Variants in ESR1 observed in about 807,000 individuals in gnomAD.
ESR1 encodes estrogen receptor 1.
A neutral mutation model predicts 52.7 loss-of-function variants in ESR1; 12 were observed. That is an observed-to-expected ratio of 0.23 (90% CI 0.15 to 0.37). ESR1 has a LOEUF of 0.37. Among genes scored for constraint, ESR1 ranks in the 10% least tolerant of loss-of-function variants. The pLI is 1.00. For missense variants in ESR1, 584 were observed against 779.7 expected, an observed-to-expected ratio of 0.75 and a Z score of 2.99; for synonymous variants, 305 against 316.8, an observed-to-expected ratio of 0.96 and a Z score of 0.39.
intron 2 of ESR1, among the ~76,000 whole-genome samples, chr6:151,772,627 C>T (rs892470440): frequency 6.6e-6 from 1 of 152,080 alleles, no homozygotes; most frequent in African/African-American, 2.4e-5. Flanking sequence ...GATAGAAGGG[C>T]CAAGAAGGAT....
intron 1 of ESR1, among the ~76,000 whole-genome samples, chr6:151,676,268 T>C (rs913748851): frequency 6.6e-6 from 1 of 152,136 alleles, no homozygotes; most frequent in African/African-American, 2.4e-5. Flanking sequence ...TGGTTCTGTT[T>C]GGTCTTCCAA....
intron 2 of ESR1, among the ~76,000 whole-genome samples, chr6:151,843,361 A>G (rs1436758291): frequency 1.3e-5 from 2 of 152,124 alleles, no homozygotes; most frequent in East Asian, 3.9e-4. Context: ...TCTTTATCAA[A>G]CAGTTATTAA....
At chr6:151,678,360 C>G (rs1450225279) in intron 1 of ESR1, among the ~76,000 whole-genome samples, 1 of 151,896 alleles carries the variant, frequency 6.6e-6, no homozygotes, top group Non-Finnish European at 1.5e-5. Context: ...ATAATCCCAG[C>G]TACTTGGGAG....
intron 3 of ESR1, among the ~76,000 whole-genome samples, chr6:151,912,907 C>T (rs1036043707): frequency 2.0e-5 from 3 of 151,880 alleles, no homozygotes; most frequent in South Asian, 4.2e-4. Context: ...CATCACACAA[C>T]GGGGCCTGTC....
At chr6:151,945,774 G>T (rs114574149) in intron 4 of ESR1, among the ~76,000 whole-genome samples, 2,862 of 152,278 alleles carry the variant, frequency 0.019, 83 homozygotes, top group African/African-American at 0.064. Flanking sequence ...TCACTGCTCT[G>T]TTATAGGCCA....
intron 6 of ESR1, among the ~76,000 whole-genome samples, chr6:152,081,535 A>T (rs55638368): frequency 2.0e-5 from 3 of 151,982 alleles, no homozygotes; most frequent in Non-Finnish European, 4.4e-5. Context: ...AAAGATCTAA[A>T]ATCGACACCC....
intron 1 of ESR1, among the ~76,000 whole-genome samples, chr6:151,815,756 C>A (rs1248089900): frequency 6.6e-6 from 1 of 152,204 alleles, no homozygotes; most frequent in Non-Finnish European, 1.5e-5. Context: ...CAGTCCTTTG[C>A]AGACGTGTGG....
intron 2 of ESR1, among the ~76,000 whole-genome samples, chr6:151,853,161 A>G (rs1394644534): frequency 9.5e-6 from 1 of 105,540 alleles, no homozygotes; most frequent in Admixed American, 1.2e-4. Flanking sequence ...ACAGAGTGAG[A>G]CTCGTCTCAA....
intron 4 of ESR1, among the ~76,000 whole-genome samples, chr6:151,963,178 C>T (rs971766942): frequency 6.6e-6 from 1 of 151,996 alleles, no homozygotes; most frequent in Non-Finnish European, 1.5e-5. Flanking sequence ...TTAACCATAA[C>T]GAACTAAAAA....
At chr6:152,081,282 A>G (rs1427755425) in intron 6 of ESR1, among the ~76,000 whole-genome samples, 1 of 152,142 alleles carries the variant, frequency 6.6e-6, no homozygotes. Context: ...TGTCTCTCAG[A>G]CCACAGTGCA....
At chr6:151,784,687 G>A (rs1222976055) in intron 2 of ESR1, among the ~76,000 whole-genome samples, 1 of 152,204 alleles carries the variant, frequency 6.6e-6, no homozygotes, top group Non-Finnish European at 1.5e-5. Context: ...AGTGACTAGT[G>A]TAACTTCCCC....
chr6:151,950,705 T>C (rs3020373), intron 4 of ESR1, among the ~76,000 whole-genome samples: 126,372 of 151,978 alleles, frequency 0.83, 53,134 homozygotes, highest in African/African-American at 0.93. Flanking sequence ...GTTTACTGGC[T>C]AACATCGGAA....
intron 1 of ESR1, among the ~76,000 whole-genome samples, chr6:151,826,723 C>T (rs568097442): frequency 6.6e-6 from 1 of 152,286 alleles, no homozygotes; most frequent in South Asian, 2.1e-4. Flanking sequence ...GGCTGACCCA[C>T]GTTGCTCATT....
intron 1 of ESR1, among the ~76,000 whole-genome samples, chr6:151,829,518 C>A (rs1011620013): frequency 6.6e-6 from 1 of 152,160 alleles, no homozygotes; most frequent in South Asian, 2.1e-4. Flanking sequence ...CATCATTACA[C>A]GGTCATGGGA....
At chr6:151,997,451 A>G (rs1431850603) in intron 4 of ESR1, among the ~76,000 whole-genome samples, 1 of 152,162 alleles carries the variant, frequency 6.6e-6, no homozygotes, top group Non-Finnish European at 1.5e-5. Flanking sequence ...AATTGTAATC[A>G]TAGCCCCAGT....
At chr6:152,045,656 A>C (rs2046172509) in intron 5 of ESR1, among the ~76,000 whole-genome samples, 1 of 152,132 alleles carries the variant, frequency 6.6e-6, no homozygotes, top group African/African-American at 2.4e-5. Flanking sequence ...TACCAAGACT[A>C]TGCTTGTTAG....
chr6:151,884,938 A>G (rs1377170526), intron 3 of ESR1, among the ~76,000 whole-genome samples: 1 of 151,950 alleles, frequency 6.6e-6, no homozygotes, highest in African/African-American at 2.4e-5. Context: ...AATGGCAAAC[A>G]GCTCTTCTCT....
At chr6:151,892,675 G>A (rs1242014822) in intron 3 of ESR1, among the ~76,000 whole-genome samples, 1 of 148,020 alleles carries the variant, frequency 6.8e-6, no homozygotes, top group African/African-American at 2.5e-5. Context: ...TCTAGTTTCT[G>A]CCTTGTGGAA....
At chr6:151,996,491 C>A (rs79542921) in intron 4 of ESR1, among the ~76,000 whole-genome samples, 356 of 152,204 alleles carry the variant, frequency 2.3e-3, no homozygotes, top group African/African-American at 7.4e-3. Context: ...CCTCTGCCTT[C>A]GTGGACTCCC....
Sources: gnomAD v4.1 joint callset for allele counts (sites outside exome capture counted in the v4.1 genomes callset) on GRCh38, gnomAD v4.1.1 for gene constraint, MANE v1.5 for transcripts, NCBI Gene and HGNC (gene_info 2026-07-23, HGNC 2026-07-21) for gene names.